Variants in SLC24A2 observed in about 807,000 individuals in gnomAD.
The protein encoded by SLC24A2 is sodium/potassium/calcium exchanger 2.
In SLC24A2, 36 loss-of-function variants were observed where a neutral mutation model predicts 62.0. The observed-to-expected ratio is 0.58, with a 90% CI of 0.44 to 0.77. The LOEUF is 0.77. Ranked by LOEUF, SLC24A2 falls within the 30% of genes least tolerant of loss-of-function variation. The pLI is 0.00. For missense variants in SLC24A2, 846 were observed against 817.9 expected (o/e 1.03, Z -0.42); for synonymous variants, 358 against 294.0 (o/e 1.22, Z -2.23).
chr9:19,907,091 A>T, the SLC24A2 span, among the ~76,000 whole-genome samples: 1 of 152,246 alleles, frequency 6.6e-6, no homozygotes, highest in African/African-American at 2.4e-5. Flanking sequence ...AATACTGGCA[A>T]ACTGAATCCA....
chr9:20,193,616 A>G, the SLC24A2 span, among the ~76,000 whole-genome samples: 1 of 152,138 alleles, frequency 6.6e-6, no homozygotes, highest in African/African-American at 2.4e-5. Context: ...TCTAAAATTA[A>G]TACTGGATGC....
chr9:19,878,168 A>G, the SLC24A2 span, among the ~76,000 whole-genome samples: 3 of 152,170 alleles, frequency 2.0e-5, no homozygotes, highest in African/African-American at 7.2e-5. Flanking sequence ...CTTATCAGCA[A>G]GAAGACTTCT....
the SLC24A2 span, among the ~76,000 whole-genome samples, chr9:19,924,663 T>C: frequency 6.6e-6 from 1 of 152,162 alleles, no homozygotes; most frequent in Non-Finnish European, 1.5e-5. Flanking sequence ...AATAAATACT[T>C]TTCATTGCCT....
At chr9:19,636,327 CTTT>C (rs1221136590) in intron 2 of SLC24A2, among the ~76,000 whole-genome samples, 741 of 20,572 alleles carry the variant, frequency 0.036, 63 homozygotes, top group Middle Eastern at 0.079. Flanking sequence ...TTCTTTCTTT[CTTT>C]CTTTCTTTCT....
chr9:19,542,365 T>TTTAGA (rs1834314922), intron 8 of SLC24A2, among the ~76,000 whole-genome samples: 1 of 152,216 alleles, frequency 6.6e-6, no homozygotes, highest in East Asian at 1.9e-4. Flanking sequence ...TTTCTAAATA[T>TTTAGA]ACAATCATGT....
At chr9:20,104,664 C>T in the SLC24A2 span, among the ~76,000 whole-genome samples, 2 of 152,080 alleles carry the variant, frequency 1.3e-5, no homozygotes, top group African/African-American at 4.8e-5. Flanking sequence ...GATTTTGTCA[C>T]CACCAGGCCT....
At chr9:19,940,038 A>G in the SLC24A2 span, among the ~76,000 whole-genome samples, 1 of 152,202 alleles carries the variant, frequency 6.6e-6, no homozygotes, top group Non-Finnish European at 1.5e-5. Flanking sequence ...ACTTCTCACG[A>G]CACCCTTGGG....
At chr9:19,700,077 G>A (rs1303219570) in intron 2 of SLC24A2, among the ~76,000 whole-genome samples, 1 of 152,190 alleles carries the variant, frequency 6.6e-6, no homozygotes, top group African/African-American at 2.4e-5. Context: ...TTTAAAGACA[G>A]TATAAGAAAA....
the SLC24A2 span, among the ~76,000 whole-genome samples, chr9:20,063,916 T>C: frequency 3.3e-5 from 5 of 152,156 alleles, no homozygotes; most frequent in Non-Finnish European, 7.3e-5. Context: ...CCAAAACAGC[T>C]TAGCAGTTTC....
At chr9:20,104,442 T>C in the SLC24A2 span, among the ~76,000 whole-genome samples, 25 of 152,038 alleles carry the variant, frequency 1.6e-4, no homozygotes, top group African/African-American at 3.4e-4. Context: ...TTAAGGGCAG[T>C]CAGAGAGAAA....
intron 7 of SLC24A2, among the ~76,000 whole-genome samples, chr9:19,560,897 GTATATATA>G (rs1194433228): frequency 8.6e-4 from 111 of 128,570 alleles, no homozygotes; most frequent in Admixed American, 5.8e-3. Context: ...GTGTGTGTGT[GTATATATA>G]TATATATATA....
chr9:19,627,527 T>C (rs1431132221), intron 2 of SLC24A2, among the ~76,000 whole-genome samples: 1 of 152,128 alleles, frequency 6.6e-6, no homozygotes. Context: ...AATTTCTTGA[T>C]CATATACCAT....
intron 4 of SLC24A2, among the ~76,000 whole-genome samples, chr9:19,610,280 A>AT (rs1044711169): frequency 2.6e-5 from 4 of 151,968 alleles, no homozygotes; most frequent in Admixed American, 1.3e-4. Flanking sequence ...AAGAACCTTC[A>AT]TTTTTTTTGC....
the SLC24A2 span, among the ~76,000 whole-genome samples, chr9:19,955,465 A>G: frequency 6.6e-6 from 1 of 152,020 alleles, no homozygotes; most frequent in Non-Finnish European, 1.5e-5. Flanking sequence ...GCATAAAAGA[A>G]GACACAGATA....
chr9:20,101,518 T>G, the SLC24A2 span, among the ~76,000 whole-genome samples: 1 of 152,208 alleles, frequency 6.6e-6, no homozygotes, highest in Non-Finnish European at 1.5e-5. Flanking sequence ...TAATTGTTCT[T>G]GTAGAATAGT....
chr9:20,109,912 T>C, the SLC24A2 span, among the ~76,000 whole-genome samples: 2 of 152,182 alleles, frequency 1.3e-5, no homozygotes, highest in African/African-American at 4.8e-5. Context: ...GAATTTTAGC[T>C]GGATATTTCC....
chr9:20,284,299 A>G, the SLC24A2 span, among the ~76,000 whole-genome samples: 1 of 151,012 alleles, frequency 6.6e-6, no homozygotes, highest in Non-Finnish European at 1.5e-5. Flanking sequence ...TTTTAAAGAG[A>G]TGGGGTTTCA....
At chr9:19,777,797 G>T (rs1822888425) in intron 2 of SLC24A2, among the ~76,000 whole-genome samples, 1 of 152,002 alleles carries the variant, frequency 6.6e-6, no homozygotes, top group East Asian at 1.9e-4. Context: ...AGTCATCTTT[G>T]GATGGTGCAA....
the SLC24A2 span, among the ~76,000 whole-genome samples, chr9:19,934,571 G>A: frequency 2.0e-5 from 3 of 152,188 alleles, no homozygotes; most frequent in Non-Finnish European, 2.9e-5. The surrounding 1 kb of genome is among the most constrained non-coding windows in gnomAD (Gnocchi z 4.1). Context: ...CTCCTGCGCT[G>A]CCTGCCAGGC....
Sources: allele counts gnomAD v4.1 joint callset (sites outside exome capture counted in the v4.1 genomes callset), GRCh38; gene constraint gnomAD v4.1.1; non-coding constraint Gnocchi (gnomAD v3.1); transcripts MANE v1.5; gene names NCBI Gene and HGNC (gene_info 2026-07-23, HGNC 2026-07-21).